The following POLN variants were observed in gnomAD, a reference collection of about 807,000 sequenced individuals.
POLN encodes the protein DNA polymerase nu, also known as DNA polymerase N.
In POLN, 108 loss-of-function variants were observed where a neutral mutation model predicts 113.5. That is an observed-to-expected ratio of 0.95 (90% CI 0.81 to 1.12). The LOEUF is 1.12. Among genes scored for constraint, POLN ranks in the 50% most tolerant of loss-of-function variants. POLN has a pLI of 0.00. For missense variants in POLN, 1,097 were observed against 1,077.1 expected, an observed-to-expected ratio of 1.02 and a Z score of -0.26; for synonymous variants, 386 against 391.5, an observed-to-expected ratio of 0.99 and a Z score of 0.17.
At chr4:2,221,779 T>C (rs1734259146) in intron 3 of POLN, among the ~76,000 whole-genome samples, 1 of 152,128 alleles carries the variant, frequency 6.6e-6, no homozygotes, top group Admixed American at 6.6e-5. Flanking sequence ...TCCACCACGT[T>C]GGCCAGTCTG....
intron 7 of POLN, among the ~76,000 whole-genome samples, chr4:2,181,761 GA>G (rs947375067): frequency 7.9e-5 from 12 of 152,078 alleles, no homozygotes; most frequent in Admixed American, 6.5e-4. Flanking sequence ...GGCAGATCAC[GA>G]GGTCAGGAGA....
chr4:2,112,763 T>C (rs1731226437), intron 19 of POLN, among the ~76,000 whole-genome samples: 1 of 152,146 alleles, frequency 6.6e-6, no homozygotes, highest in Non-Finnish European at 1.5e-5. Context: ...TGTGGAGCAA[T>C]AGGAACACTT....
chr4:2,151,515 T>C (rs1462568379), intron 16 of POLN, among the ~76,000 whole-genome samples: 3 of 152,234 alleles, frequency 2.0e-5, no homozygotes, highest in African/African-American at 4.8e-5. Flanking sequence ...GCAGTCAATG[T>C]GTGTAGTTAA....
chr4:2,152,735 C>G (rs1298477857), intron 16 of POLN, among the ~76,000 whole-genome samples: 1 of 151,946 alleles, frequency 6.6e-6, no homozygotes, highest in Non-Finnish European at 1.5e-5. Context: ...TATCAGAAAA[C>G]AGAGGTGAGT....
Position 2,198,662 on chromosome 4 carries a change from C to A in POLN, c.770G>T (p.Gly257Val). Reference sequence around the variant, plus strand: ...CGGGGCATCTGGACAGCCATGGCCACCCTCTGCTTGGCGTTTTACTAACAC... The same window carrying A: ...CGGGGCATCTGGACAGCCATGGCCAACCTCTGCTTGGCGTTTTACTAACAC... ...IVVLVKRQAE[G>V]GHGCPDAPAC... The change falls in exon 6 of 26, where the codon GGT becomes GTT. Residue 257 changes from glycine to valine, a missense_variant. By Grantham distance (109) the Gly-to-Val change is moderately radical. Transcript: ENST00000511885. 6.2e-7 allele frequency: 1 copy of A among 1,613,362 alleles called. No individual in the cohort carries two copies. Among genetic ancestry groups the A allele is most frequent in the Non-Finnish European group, 8.5e-7 (1 of 1,179,696 alleles).
chr4:2,164,347 C>T (rs1242123338), intron 13 of POLN, among the ~76,000 whole-genome samples: 1 of 151,242 alleles, frequency 6.6e-6, no homozygotes, highest in Non-Finnish European at 1.5e-5. Flanking sequence ...ACTAAAAATA[C>T]AAAATTAGCC....
intron 11 of POLN, among the ~76,000 whole-genome samples, chr4:2,171,387 TAAAA>T (rs57338564): frequency 1.1e-4 from 10 of 88,300 alleles, no homozygotes; most frequent in Admixed American, 2.4e-4. Flanking sequence ...ACCCCACCAC[TAAAA>T]AAAAAAAAAA....
chr4:2,211,686 AG>A (rs1345926381), intron 4 of POLN, among the ~76,000 whole-genome samples: 1 of 152,012 alleles, frequency 6.6e-6, no homozygotes, highest in Non-Finnish European at 1.5e-5. Flanking sequence ...CTGAGTTGGG[AG>A]GATCACTTGA....
Position 2,208,392 on chromosome 4 carries a change from G to A in POLN, c.309C>T (p.Asp103=). The change falls in exon 5 of 26, where the codon GAC becomes GAT. Residue 103 remains aspartate (D), a synonymous_variant. Coordinates refer to ENST00000511885, the MANE Select transcript of POLN (RefSeq NM_181808.4). ...ATGAGCTGATGCTCTTCTGTTTTTG[G>A]TCAGCAGACAGCTGATCTGTGAGCC... ...SVRLTDQLSA[D]QKQKSISSLT... 1 of 1,613,004 alleles carries A rather than the reference G, an allele frequency of 6.2e-7. No homozygotes were observed. The highest frequency in any genetic ancestry group is 1.1e-5 in the South Asian group (1 of 90,848).
chr4:2,100,337 T>C (rs1158160894), intron 19 of POLN, among the ~76,000 whole-genome samples: 2 of 152,084 alleles, frequency 1.3e-5, no homozygotes, highest in East Asian at 1.9e-4. Flanking sequence ...GGAGAGTCAA[T>C]AGCTTTCCTA....
At chr4:2,199,886 G>C (rs1393704737) in intron 5 of POLN, among the ~76,000 whole-genome samples, 1 of 152,048 alleles carries the variant, frequency 6.6e-6, no homozygotes, top group Non-Finnish European at 1.5e-5. Flanking sequence ...CAACAGTTGA[G>C]TAATATTATG....
At chr4:2,232,212 A>G in intron 2 of POLN, 2 of 779,198 alleles carry the variant, frequency 2.6e-6, no homozygotes, top group Non-Finnish European at 3.9e-6. Context: ...CCTAATACCA[A>G]TTATAAAATT....
In POLN at chr4:2,131,300, A is replaced by G. The variant is rs1278876768; in HGVS notation, c.1732-10T>C. ...AGATACCTTGGATATTCTGTTAATA[A>G]TAAGAGACTAGCTTTAGTTAAAATA... is the stretch of plus-strand genomic sequence containing the variant. On this transcript the variant is annotated splice_polypyrimidine_tract_variant and intron_variant, in intron 16 of 25. Transcript: ENST00000511885. 6.5e-6 allele frequency: 10 copies of G among 1,542,648 alleles called. No homozygotes were observed. Among genetic ancestry groups the G allele is most frequent in the East Asian group, 2.3e-5 (1 of 44,322 alleles).
At chr4:2,103,497 C>T (rs899868244) in intron 19 of POLN, among the ~76,000 whole-genome samples, 3 of 152,030 alleles carry the variant, frequency 2.0e-5, no homozygotes, top group Admixed American at 2.0e-4. Context: ...ATTGGTATTC[C>T]TGAGGTTGAA....
intron 16 of POLN, among the ~76,000 whole-genome samples, chr4:2,133,367 C>G (rs576971542): frequency 2.6e-5 from 4 of 152,166 alleles, no homozygotes; most frequent in African/African-American, 9.7e-5. Flanking sequence ...TCTGCACTCC[C>G]ATGTTTACTG....
chr4:2,140,403 T>C (rs1731969821), intron 16 of POLN, among the ~76,000 whole-genome samples: 1 of 152,164 alleles, frequency 6.6e-6, no homozygotes, highest in Non-Finnish European at 1.5e-5. Flanking sequence ...ATGCATGGAA[T>C]AGGTTTAAAA....
At chr4:2,195,017 A>C in intron 6 of POLN, among the ~76,000 whole-genome samples, 1 of 152,194 alleles carries the variant, frequency 6.6e-6, no homozygotes, top group Non-Finnish European at 1.5e-5. Context: ...AATAAGGTAT[A>C]ACAAACGTAC....
chr4:2,190,234 A>G (rs931626063), intron 7 of POLN, among the ~76,000 whole-genome samples: 4 of 152,158 alleles, frequency 2.6e-5, no homozygotes, highest in African/African-American at 9.7e-5. Flanking sequence ...GGAACAGAAT[A>G]GAGACCCCAG....
chr4:2,157,891 G>C lies in POLN; in HGVS notation c.1632C>G (p.Thr544=). 6.2e-7 allele frequency: 1 copy of C among 1,607,690 alleles called. No individual in the cohort carries two copies. The highest frequency in any genetic ancestry group is 8.5e-7 in the Non-Finnish European group (1 of 1,175,222). Residue 544 remains threonine, a synonymous_variant, in exon 15 of 26, where the codon ACC becomes ACG. Transcript: ENST00000511885. The part of the protein sequence containing the change: ...EYRQVHKIKS[T]FVDGLLACMK... ...TGCAAGCTAGTAATCCATCTACAAA[G>C]GTTGACTTGATCTTGTGAACCTAAG...
Sources: gnomAD v4.1 joint callset for allele counts (sites outside exome capture counted in the v4.1 genomes callset) on GRCh38, gnomAD v4.1.1 for gene constraint, MANE v1.5 for transcripts, NCBI Gene and HGNC (gene_info 2026-07-23, HGNC 2026-07-21) for gene names.